The following RYR1 variants were observed in gnomAD, a reference collection of about 807,000 sequenced individuals.
RYR1 encodes central core disease of muscle.
In RYR1, 342 loss-of-function variants were observed where a neutral mutation model predicts 583.5. The observed-to-expected ratio is 0.59, with a 90% CI of 0.54 to 0.64. The LOEUF is 0.64. Ranked by LOEUF, RYR1 falls within the 30% of genes least tolerant of loss-of-function variation. The pLI is 0.00. For missense variants in RYR1, 6,032 were observed against 6,917.2 expected (o/e 0.87, Z 4.54); for synonymous variants, 2,791 against 2,822.5 (o/e 0.99, Z 0.35).
rs370041876 is a variant in RYR1, at chr19:38,483,325, C to T, written c.4743C>T (p.Ser1581=). The change falls in exon 33 of 106, where the codon AGC becomes AGT. Residue 1581 remains serine, a synonymous_variant. Coordinates refer to ENST00000359596, the MANE Select transcript of RYR1 (RefSeq NM_000540.3). This position sits in a 1 kb window ranked among gnomAD's most constrained non-coding sequence, Gnocchi z 6.3. ...CGTTGTCAGCCGCCATGTTCCAAAG[C>T]GAGCGCAAGAACCCGGCCCCGCAGT... ...IMPLSAAMFQ[S]ERKNPAPQCP... is the part of the protein sequence containing the mutation. The T allele has an allele frequency of 6.0e-5, 93 of 1,560,508 alleles. No individual in the cohort carries two copies. Among genetic ancestry groups the T allele is most frequent in the African/African-American group, 3.3e-4 (24 of 73,806 alleles).
intron 83 of RYR1, 62 bp downstream of exon 83, chr19:38,536,829 A>G (rs1971992320): frequency 6.5e-7 from 1 of 1,541,404 alleles, no homozygotes; most frequent in Admixed American, 1.7e-5. Flanking sequence ...AACCCCGTCC[A>G]CCCCTCCACC....
At chr19:38,527,498 A>C in intron 72 of RYR1, 149 bp from the exon 73 acceptor site, 3 of 1,029,856 alleles carry the variant, frequency 2.9e-6, no homozygotes, top group Non-Finnish European at 4.3e-6. Context: ...TGATGGGGCG[A>C]GGCTCCGTCT....
At chr19:38,504,114 TC>T in intron 49 of RYR1, 105 bp from the exon 50 acceptor site, 1 of 1,284,412 alleles carries the variant, frequency 7.8e-7, no homozygotes. Flanking sequence ...CACACCTCCT[TC>T]ATAATTTAAA....
intron 71 of RYR1, among the ~76,000 whole-genome samples, chr19:38,525,746 A>G (rs1041828217): frequency 2.0e-5 from 3 of 151,844 alleles, no homozygotes; most frequent in African/African-American, 7.3e-5. Flanking sequence ...ACTGAAACCT[A>G]GAAAAGCTCT....
Position 38,441,424 on chromosome 19 carries a change from A to G in RYR1, c.165+560A>G, listed in dbSNP as rs1972678513. 4.8e-5 allele frequency among the ~76,000 whole-genome samples: 3 copies of G among 61,866 alleles called. No homozygotes were observed. The South Asian group carries it at 1.4e-3, about 28-fold the overall frequency. 40.6% of individuals were successfully genotyped at this position (61,866 alleles called of 152,430 possible). ...CGGCGGGGGCGGGGGAGGATGGGAC[A>G]GGGCCTGAGATGCGGAGGGCATCTG... On this transcript the variant is annotated intron_variant, in intron 2 of 105. Coordinates refer to ENST00000359596, the MANE Select transcript of RYR1 (RefSeq NM_000540.3).
intron 96 of RYR1, among the ~76,000 whole-genome samples, chr19:38,574,260 A>G (rs865796754): frequency 4.3e-5 from 6 of 138,702 alleles, no homozygotes; most frequent in East Asian, 4.5e-4. Context: ...ACTCCATCTG[A>G]AAAAAAAAAA....
rs774919231 is a variant in RYR1, at chr19:38,451,827, G to A, written c.1186G>A (p.Glu396Lys). ...ALSLTRCQQE[E>K]SQAARMIHST... Reference sequence around the variant, plus strand: ...GTCGCTGACCCGCTGCCAGCAGGAGGAGTCCCAGGCCGCCCGCATGATCCA... The same window carrying A: ...GTCGCTGACCCGCTGCCAGCAGGAGAAGTCCCAGGCCGCCCGCATGATCCA... Residue 396 changes from glutamate (E) to lysine (K), a missense_variant, in exon 12 of 106, where the codon GAG becomes AAG. Transcript: ENST00000359596. 4 of 1,614,118 alleles carry A rather than the reference G, an allele frequency of 2.5e-6. No individual in the cohort carries two copies. The highest frequency in any genetic ancestry group is 1.1e-5 in the South Asian group (1 of 91,080).
intron 23 of RYR1, among the ~76,000 whole-genome samples, chr19:38,465,866 G>A (rs147579733): frequency 0.011 from 1,664 of 152,316 alleles, 49 homozygotes; most frequent in African/African-American, 0.037. Flanking sequence ...GACAAAGGGG[G>A]CTAGAGGTCA....
At chr19:38,528,242 T>G (rs542391969) in intron 73 of RYR1, 64 bp from the exon 74 acceptor site, 1 of 1,405,276 alleles carries the variant, frequency 7.1e-7, no homozygotes, top group South Asian at 1.2e-5. Flanking sequence ...GGCAGTTTCA[T>G]CCAGGGCTGG....
chr19:38,573,091 C>G, intron 95 of RYR1, 86 bp from the exon 96 acceptor site: 1 of 1,594,342 alleles, frequency 6.3e-7, no homozygotes, highest in Non-Finnish European at 8.6e-7. Context: ...CACACACAGA[C>G]CCCAGCAAGA....
At chr19:38,457,979 C>T in intron 17 of RYR1, 72 bp from the exon 18 acceptor site, 1 of 1,523,848 alleles carries the variant, frequency 6.6e-7, no homozygotes, top group Non-Finnish European at 9.0e-7. Flanking sequence ...CTGTCTCTCT[C>T]TGGCTTCCCA....
At chr19:38,584,279 T>C in intron 101 of RYR1, among the ~76,000 whole-genome samples, 1 of 62,982 alleles carries the variant, frequency 1.6e-5, no homozygotes, top group East Asian at 5.4e-4. Flanking sequence ...ATCCTGGCCC[T>C]GATCCCTACA....
At chr19:38,533,226 A>T (rs1216192597) in intron 78 of RYR1, among the ~76,000 whole-genome samples, 1 of 152,234 alleles carries the variant, frequency 6.6e-6, no homozygotes, top group Non-Finnish European at 1.5e-5. Context: ...AGAATAGTAT[A>T]TGCCAAGGCC....
intron 70 of RYR1, among the ~76,000 whole-genome samples, chr19:38,524,970 T>C (rs1288258769): frequency 3.9e-5 from 6 of 152,246 alleles, no homozygotes; most frequent in African/African-American, 1.4e-4. Context: ...CAGGCAAGCA[T>C]GGTGGTATGT....
chr19:38,466,480 C>A, intron 24 of RYR1, 82 bp downstream of exon 24: 10 of 1,216,404 alleles, frequency 8.2e-6, no homozygotes, highest in Non-Finnish European at 1.0e-5. Flanking sequence ...TGACCTGACT[C>A]AGCCCCCAAA....
rs1375662500 is a variant in RYR1 at position 38,586,157 on chromosome 19, C to T, written c.14935C>T (p.His4979Tyr). 6.2e-7 allele frequency: 1 copy of T among 1,613,948 alleles called. No individual in the cohort carries two copies. The highest frequency in any genetic ancestry group is 8.5e-7 in the Non-Finnish European group (1 of 1,180,038). ...TACGACACCGCATGGCTTCGAGACT[C>T]ACACGCTGGAGGAGCACAACCTGGC... ...FDTTPHGFET[H>Y]TLEEHNLANY... is the part of the protein sequence containing the mutation. The change falls in exon 104 of 106, where the codon CAC (histidine) becomes TAC (tyrosine). Residue 4979 changes from histidine (H) to tyrosine (Y), a missense_variant. Around this residue, in one of 11 missense-constraint regions of RYR1, gnomAD observed 189 missense variants for 350.3 expected, o/e 0.54. Transcript: ENST00000359596.
intron 20 of RYR1, among the ~76,000 whole-genome samples, chr19:38,462,913 T>TTTTTG: frequency 6.8e-6 from 1 of 147,486 alleles, no homozygotes. Context: ...TTTTTTTTTT[T>TTTTTG]GGAGACAGAG....
At position 38,512,029 on chromosome 19, in the gene RYR1, C is replaced by T. The variant is rs948373103; in HGVS notation, c.9173-43C>T. On this transcript the variant is annotated intron_variant, in intron 61 of 105. Transcript: ENST00000359596. This position sits in a 1 kb window ranked among gnomAD's most constrained non-coding sequence, Gnocchi z 5.1. ...TGTAGAGGGAGGCACTGTCCTCTGT[C>T]CTCTTAGCCATGGCATCCCCCCGGC... 1.9e-6 allele frequency: 3 copies of T among 1,600,774 alleles called. No homozygotes were observed. Among genetic ancestry groups the T allele is most frequent in the Non-Finnish European group, 2.6e-6 (3 of 1,171,764 alleles).
chr19:38,463,963 C>A, intron 22 of RYR1, 113 bp downstream of exon 22: 1 of 840,836 alleles, frequency 1.2e-6, no homozygotes, highest in African/African-American at 1.7e-5. Flanking sequence ...ATGGAGGGGA[C>A]AGGGATTGTG....
Sources: allele counts gnomAD v4.1 joint callset (sites outside exome capture counted in the v4.1 genomes callset), GRCh38; gene constraint gnomAD v4.1.1; regional missense constraint gnomAD v4.1.1; non-coding constraint Gnocchi (gnomAD v3.1); transcripts MANE v1.5; gene names NCBI Gene and HGNC (gene_info 2026-07-23, HGNC 2026-07-21).